IPCEF1: variants seen among roughly 807,000 people sequenced by gnomAD.
IPCEF1 encodes the protein interaction protein for cytohesin exchange factors 1.
Under a neutral mutation model 50.9 loss-of-function variants are expected in IPCEF1, and 31 were observed. That is an observed-to-expected ratio of 0.61 (90% CI 0.46 to 0.82). The LOEUF is 0.82. Among genes scored for constraint, IPCEF1 ranks in the 40% least tolerant of loss-of-function variants. IPCEF1 has a pLI of 0.00. For synonymous variants in IPCEF1, 181 were observed against 192.0 expected (o/e 0.94, Z 0.47); for missense variants, 458 against 514.0 (o/e 0.89, Z 1.05).
chr6:154,170,492 C>T (rs1799787727), intron 10 of IPCEF1, among the ~76,000 whole-genome samples: 1 of 152,192 alleles, frequency 6.6e-6, no homozygotes, highest in African/African-American at 2.4e-5. Context: ...AATACTCTTT[C>T]ATAAAACAGA....
At chr6:154,213,955 CTGTT>C (rs1390000724) in intron 8 of IPCEF1, among the ~76,000 whole-genome samples, 2 of 152,142 alleles carry the variant, frequency 1.3e-5, no homozygotes, top group African/African-American at 4.8e-5. Flanking sequence ...GCATCGGTGA[CTGTT>C]TGAGATGTCA....
At chr6:154,343,349 A>T (rs949205009) in intron 1 of IPCEF1, among the ~76,000 whole-genome samples, 2 of 152,200 alleles carry the variant, frequency 1.3e-5, no homozygotes, top group African/African-American at 4.8e-5. Context: ...AAAAGAAGAA[A>T]TTTCCTTTTC....
At chr6:154,271,472 A>T (rs1203641967) in intron 2 of IPCEF1, among the ~76,000 whole-genome samples, 10 of 152,176 alleles carry the variant, frequency 6.6e-5, no homozygotes, top group South Asian at 2.1e-4. Flanking sequence ...GTTTACTTTT[A>T]AAAAAAATTA....
intron 2 of IPCEF1, among the ~76,000 whole-genome samples, chr6:154,286,890 C>T (rs1057293445): frequency 1.3e-5 from 2 of 152,176 alleles, no homozygotes; most frequent in South Asian, 2.1e-4. Flanking sequence ...CGTGTCCCCA[C>T]CCAAATCTCA....
intron 2 of IPCEF1, among the ~76,000 whole-genome samples, chr6:154,284,260 TAAA>T (rs1782299043): frequency 6.6e-6 from 1 of 152,212 alleles, no homozygotes; most frequent in Non-Finnish European, 1.5e-5. Flanking sequence ...TTTAAAATAT[TAAA>T]ATAACTCAAT....
intron 5 of IPCEF1, among the ~76,000 whole-genome samples, chr6:154,234,323 C>T (rs1234835506): frequency 3.9e-5 from 6 of 152,200 alleles, no homozygotes; most frequent in Non-Finnish European, 5.9e-5. Context: ...TTTGGTTACC[C>T]ACAGTCACAC....
chr6:154,169,392 G>GT (rs1437559446), intron 10 of IPCEF1, among the ~76,000 whole-genome samples: 3 of 152,166 alleles, frequency 2.0e-5, no homozygotes, highest in Admixed American at 2.0e-4. Flanking sequence ...TCTAAACCAG[G>GT]TATTGCTGAA....
Position 154,265,914 on chromosome 6 carries a change from G to C in IPCEF1, c.34C>G (p.Leu12Val). 1.3e-6 allele frequency: 2 copies of C among 1,598,332 alleles called. No homozygotes were observed. The highest frequency in any genetic ancestry group is 1.7e-6 in the Non-Finnish European group (2 of 1,170,850). ...TSYMAIDGSA[L>V]QVPLRQKPRR... ...GGGGTATTCCAAAGGATACTTACAA[G>C]AGCACTGCCATCAATAGCCATGTAT... The change falls in exon 3 of 12, where the codon CTT (leucine) becomes GTT (valine). Residue 12 changes from leucine (L) to valine (V), a missense_variant and splice_region_variant. By Grantham distance (32) the Leu-to-Val change is conservative (BLOSUM62 1). Coordinates refer to ENST00000367220, the MANE Select transcript of IPCEF1 (RefSeq NM_001130700.2).
intron 3 of IPCEF1, among the ~76,000 whole-genome samples, chr6:154,261,523 A>C (rs1781601198): frequency 6.6e-6 from 1 of 152,210 alleles, no homozygotes; most frequent in South Asian, 2.1e-4. Flanking sequence ...AGAAATATTT[A>C]AGAGACTGAA....
chr6:154,322,818 G>C (rs1224638791), intron 1 of IPCEF1, among the ~76,000 whole-genome samples: 1 of 151,452 alleles, frequency 6.6e-6, no homozygotes, highest in Non-Finnish European at 1.5e-5. Context: ...GCCTGGAGGA[G>C]AGAATGAGAC....
intron 1 of IPCEF1, among the ~76,000 whole-genome samples, chr6:154,350,387 C>A (rs537731380): frequency 3.1e-4 from 47 of 152,262 alleles, no homozygotes; most frequent in African/African-American, 1.1e-3. Context: ...GAAAGAAAAT[C>A]TTTTATAGAT....
At chr6:154,222,057 G>T (rs756549940) in intron 6 of IPCEF1, among the ~76,000 whole-genome samples, 1 of 152,102 alleles carries the variant, frequency 6.6e-6, no homozygotes, top group African/African-American at 2.4e-5. Context: ...ATATACAGAA[G>T]AATTTTTATA....
Position 154,159,845 on chromosome 6 carries a change from C to A in IPCEF1, c.1300G>T (p.Val434Phe), listed in dbSNP as rs773969940. The A allele has an allele frequency of 6.2e-7, 1 of 1,610,796 alleles. No homozygotes were observed. The highest frequency in any genetic ancestry group is 1.1e-5 in the South Asian group (1 of 90,266). Residue 434 changes from valine (V) to phenylalanine (F), a missense_variant, in exon 12 of 12, where the codon GTT becomes TTT. Coordinates refer to ENST00000367220, the MANE Select transcript of IPCEF1 (RefSeq NM_001130700.2). ...ELKKSPSSPS[V>F]ENSI ...ACTTTGTCTCAAATGGAATTTTCAA[C>A]AGAGGGAGAAGAAGGTGATTTCTTG...
At chr6:154,346,858 C>G (rs1329004639) in intron 1 of IPCEF1, among the ~76,000 whole-genome samples, 2 of 152,338 alleles carry the variant, frequency 1.3e-5, no homozygotes, top group East Asian at 1.9e-4. Context: ...ATTTGGATTA[C>G]AGTTCAACGT....
In IPCEF1 at chr6:154,199,911, G is replaced by A; in HGVS notation, c.667C>T (p.Pro223Ser). ...SSLSKERQSL[P>S]DTVNSLSAAE... ...GCAGACAAACTGTTAACTGTGTCAG[G>A]CAAGGATTGTCTCTCTTTAGATAAG... Residue 223 changes from proline to serine, a missense_variant, in exon 10 of 12, where the codon CCT (proline) becomes TCT (serine). Transcript: ENST00000367220. 1 of 1,614,174 alleles carries A rather than the reference G, an allele frequency of 6.2e-7. No homozygotes were observed. The highest frequency in any genetic ancestry group is 8.5e-7 in the Non-Finnish European group (1 of 1,180,028).
intron 1 of IPCEF1, among the ~76,000 whole-genome samples, chr6:154,301,421 A>G (rs1391939890): frequency 2.6e-5 from 4 of 152,144 alleles, no homozygotes; most frequent in African/African-American, 9.7e-5. Flanking sequence ...ACCTTGAAAT[A>G]TTAGCATGGT....
chr6:154,163,114 C>G (rs1157286861), intron 11 of IPCEF1, among the ~76,000 whole-genome samples: 4 of 152,284 alleles, frequency 2.6e-5, no homozygotes, highest in Middle Eastern at 6.8e-3. Context: ...CTGTTCAGAA[C>G]CTTCCAGAGG....
chr6:154,218,615 T>C (rs188507700), intron 7 of IPCEF1, among the ~76,000 whole-genome samples: 12 of 152,340 alleles, frequency 7.9e-5, no homozygotes, highest in Admixed American at 2.0e-4. Context: ...AAGTTCTTCA[T>C]GTGTTATTGC....
At position 154,170,786 on chromosome 6, in the gene IPCEF1, A is replaced by C. The variant is rs149857196; in HGVS notation, c.911-2673T>G. ...GGTGGCTACAATTAAAAAGACAGAC[A>C]GTAGTAAGTGTGGATGAGGATGTGG... On this transcript the variant is annotated intron_variant, in intron 10 of 11. Coordinates refer to ENST00000367220, the MANE Select transcript of IPCEF1 (RefSeq NM_001130700.2). Among the ~76,000 whole-genome samples the C allele has an allele frequency of 2.8e-3, 432 of 152,344 alleles. 2 individuals are homozygous for C. Among genetic ancestry groups the C allele is most frequent in the African/African-American group, 9.9e-3 (410 of 41,580 alleles).
Sources: gnomAD v4.1 joint callset for allele counts (sites outside exome capture counted in the v4.1 genomes callset) on GRCh38, gnomAD v4.1.1 for gene constraint, MANE v1.5 for transcripts, NCBI Gene and HGNC (gene_info 2026-07-23, HGNC 2026-07-21) for gene names.